The following OXSR1 variants were observed in gnomAD, a reference collection of about 807,000 sequenced individuals.
OXSR1 encodes the protein serine/threonine-protein kinase OSR1.
Under a neutral mutation model 79.8 loss-of-function variants are expected in OXSR1, and 24 were observed. The observed-to-expected ratio is 0.30, with a 90% CI of 0.22 to 0.42. OXSR1 has a LOEUF of 0.42. Ranked by LOEUF, OXSR1 falls within the 10% of genes least tolerant of loss-of-function variation. The pLI is 1.00. For synonymous variants in OXSR1, 226 were observed against 209.2 expected (o/e 1.08, Z -0.69); for missense variants, 430 against 618.4 (o/e 0.70, Z 3.23).
rs1481194248 is a variant in OXSR1, at chr3:38,254,598, CT to C, written c.*1714del. 15 of 216,176 alleles carry C rather than the reference CT, an allele frequency of 6.9e-5. No homozygotes were observed. In the East Asian group the frequency reaches 1.4e-3, roughly 19 times the overall value. The allele number at this position is 216,176 out of a possible 1,614,324, so 13.4% of individuals were successfully genotyped here. Reference sequence around the variant, plus strand: ...AGAAAAATACTTAGCTTTTCTTTTTCTTTTTTTGTGGAGGGGGGACGGAGAG... The same window carrying C: ...AGAAAAATACTTAGCTTTTCTTTTTCTTTTTTGTGGAGGGGGGACGGAGAG... On this transcript the variant is annotated 3_prime_UTR_variant, in exon 18 of 18. Transcript: ENST00000311806.
chr3:38,176,655 CATT>C (rs1423185711), intron 1 of OXSR1, among the ~76,000 whole-genome samples: 1 of 152,194 alleles, frequency 6.6e-6, no homozygotes, highest in African/African-American at 2.4e-5. Context: ...GTGTGGGAAA[CATT>C]AGCATCTTGT....
chr3:38,195,654 A>T (rs920133449), intron 3 of OXSR1, among the ~76,000 whole-genome samples: 1 of 152,196 alleles, frequency 6.6e-6, no homozygotes, highest in Non-Finnish European at 1.5e-5. Flanking sequence ...TGAGGAAATT[A>T]ACTTGTTGAT....
At position 38,229,671 on chromosome 3, in the gene OXSR1, C is replaced by T. The variant is rs777139817; in HGVS notation, c.837-16C>T. On this transcript the variant is annotated splice_polypyrimidine_tract_variant and intron_variant, in intron 8 of 17. Transcript: ENST00000311806. ...TTAATTATAAAAACTTTTCTTCCCT[C>T]CCTTCCTGGTTTTAGACCAACAGCA... 15 of 1,606,074 alleles carry T rather than the reference C, an allele frequency of 9.3e-6. No homozygotes were observed. Among genetic ancestry groups the T allele is most frequent in the African/African-American group, 2.7e-5 (2 of 74,788 alleles).
At chr3:38,195,889 T>G (rs79114715) in intron 3 of OXSR1, among the ~76,000 whole-genome samples, 2,800 of 152,346 alleles carry the variant, frequency 0.018, 98 homozygotes, top group African/African-American at 0.064. Context: ...TTTGCTTTGT[T>G]ACAAAATTTG....
intron 5 of OXSR1, among the ~76,000 whole-genome samples, chr3:38,216,738 G>T (rs1233382122): frequency 6.6e-6 from 1 of 152,146 alleles, no homozygotes; most frequent in Non-Finnish European, 1.5e-5. Flanking sequence ...GAAAACCTCA[G>T]CTTGGTCCCA....
In OXSR1 at chr3:38,246,666, G is replaced by T. The variant is rs1703147994; in HGVS notation, c.1257+445G>T. Among the ~76,000 whole-genome samples, 4 of 152,176 alleles carry T rather than the reference G, an allele frequency of 2.6e-5. No individual in the cohort carries two copies. In the South Asian group the frequency reaches 8.3e-4, roughly 32 times the overall value. The stretch of plus-strand genomic sequence containing the variant: ...TTTAAGTTATTTGTCAATTTTGTGA[G>T]GGTTGGTTTGTTAAGTCCGGGTATT... On this transcript the variant is annotated intron_variant, in intron 13 of 17. Coordinates refer to ENST00000311806, the MANE Select transcript of OXSR1 (RefSeq NM_005109.3).
intron 4 of OXSR1, among the ~76,000 whole-genome samples, chr3:38,212,756 T>C (rs1702412133): frequency 6.6e-6 from 1 of 152,230 alleles, no homozygotes; most frequent in South Asian, 2.1e-4. Context: ...ACAAAACTCT[T>C]CTTGCTACTT....
intron 1 of OXSR1, among the ~76,000 whole-genome samples, chr3:38,177,880 C>T (rs1353820497): frequency 6.6e-6 from 1 of 151,834 alleles, no homozygotes; most frequent in Non-Finnish European, 1.5e-5. Context: ...GAGCCACAAC[C>T]CCCAGAAGTG....
intron 2 of OXSR1, 63 bp downstream of exon 2, chr3:38,183,178 A>G (rs956952294): frequency 4.1e-6 from 3 of 729,502 alleles, no homozygotes; most frequent in Admixed American, 3.4e-5. Context: ...TACAATGGGA[A>G]ATAACTTGAA....
intron 1 of OXSR1, 108 bp downstream of exon 1, chr3:38,166,054 T>G (rs1024448144): frequency 9.7e-6 from 9 of 925,398 alleles, no homozygotes; most frequent in South Asian, 1.5e-5. Context: ...TAGGAATTCG[T>G]GGGGCGCTTG....
At chr3:38,213,092 TTG>T (rs147493514) in intron 4 of OXSR1, among the ~76,000 whole-genome samples, 1 of 152,326 alleles carries the variant, frequency 6.6e-6, no homozygotes, top group African/African-American at 2.4e-5. Flanking sequence ...GAATGGATTA[TTG>T]TCTCTTCACT....
At position 38,165,839 on chromosome 3, in the gene OXSR1, G is replaced by T. The variant is rs1355410128; in HGVS notation, c.-38G>T. The T allele has an allele frequency of 6.3e-7, 1 of 1,580,248 alleles. No individual in the cohort carries two copies. Among genetic ancestry groups the T allele is most frequent in the South Asian group, 1.1e-5 (1 of 88,406 alleles). On this transcript the variant is annotated 5_prime_UTR_variant, in exon 1 of 18. Transcript: ENST00000311806. Reference sequence around the variant, plus strand: ...CGCGGCGAGGAGACGAGCGAGGTCAGCGAGTTTGAGGGAGGACCGCGAGCC... The same window carrying T: ...CGCGGCGAGGAGACGAGCGAGGTCATCGAGTTTGAGGGAGGACCGCGAGCC...
At chr3:38,178,622 T>TATATATA (rs1559501065) in intron 1 of OXSR1, among the ~76,000 whole-genome samples, 13 of 69,464 alleles carry the variant, frequency 1.9e-4, no homozygotes, top group African/African-American at 6.9e-4. Context: ...ATATATATAT[T>TATATATA]TTTTTTTTTT....
In OXSR1 at chr3:38,182,931, G is replaced by A. The variant is rs1020645291; in HGVS notation, c.71-72G>A. Reference sequence around the variant, plus strand: ...GATAAGGATTACTCTTGTTTAAATTGTATGGGAATTAGAAATGTCATGTTT... The same window carrying A: ...GATAAGGATTACTCTTGTTTAAATTATATGGGAATTAGAAATGTCATGTTT... On this transcript the variant is annotated intron_variant, in intron 1 of 17. Coordinates refer to ENST00000311806, the MANE Select transcript of OXSR1 (RefSeq NM_005109.3). 2.0e-5 allele frequency: 16 copies of A among 813,316 alleles called. No homozygotes were observed. The Admixed American group carries it at 2.6e-4, about 13-fold the overall frequency. The allele number at this position is 813,316 out of a possible 1,614,324, so 50.4% of individuals were successfully genotyped here. A position where few individuals can be genotyped will look rare whatever the true frequency, so the allele number is the denominator to read the frequency against.
chr3:38,211,031 A>G (rs1272382790), intron 4 of OXSR1, among the ~76,000 whole-genome samples: 1 of 152,196 alleles, frequency 6.6e-6, no homozygotes, highest in Non-Finnish European at 1.5e-5. Context: ...CCTGCTTGCC[A>G]AATAAACTTT....
intron 2 of OXSR1, among the ~76,000 whole-genome samples, chr3:38,185,577 C>T (rs390355): frequency 6.6e-6 from 1 of 152,000 alleles, no homozygotes; most frequent in East Asian, 1.9e-4. Flanking sequence ...CAGAGCAAGA[C>T]TCTGTCTCAA....
intron 13 of OXSR1, 30 bp downstream of exon 13, chr3:38,246,251 C>A: frequency 6.2e-7 from 1 of 1,611,118 alleles, no homozygotes; most frequent in Non-Finnish European, 8.5e-7. Context: ...TTCATGGTCA[C>A]TCCTTTGGAT....
At chr3:38,175,597 G>A (rs957169011) in intron 1 of OXSR1, among the ~76,000 whole-genome samples, 10 of 152,278 alleles carry the variant, frequency 6.6e-5, no homozygotes, top group African/African-American at 2.4e-4. Context: ...CACAATGCCC[G>A]GCCCTACGTT....
chr3:38,191,826 C>T (rs1427634030), intron 3 of OXSR1, among the ~76,000 whole-genome samples: 2 of 152,084 alleles, frequency 1.3e-5, no homozygotes, highest in Non-Finnish European at 2.9e-5. Flanking sequence ...TTGTTTGAAT[C>T]CTTGTTTGAG....
Sources: allele counts gnomAD v4.1 joint callset (sites outside exome capture counted in the v4.1 genomes callset), GRCh38; gene constraint gnomAD v4.1.1; transcripts MANE v1.5; gene names NCBI Gene and HGNC (gene_info 2026-07-23, HGNC 2026-07-21).